The following CAMTA1 variants were observed in gnomAD, a reference collection of about 807,000 sequenced individuals.
CAMTA1 encodes the protein calmodulin-binding transcription activator 1.
CAMTA1 carries 27 observed loss-of-function variants against 170.9 expected under a neutral mutation model. The ratio of observed to expected loss-of-function variants is 0.16; its 90% CI spans 0.12 to 0.22. The LOEUF is 0.22. CAMTA1 is among the 10% of genes least tolerant of loss of function. CAMTA1 has a pLI of 1.00. For missense variants in CAMTA1, 1,619 were observed against 2,217.2 expected, an observed-to-expected ratio of 0.73 and a Z score of 5.42; for synonymous variants, 833 against 891.5, an observed-to-expected ratio of 0.93 and a Z score of 1.17.
chr1:7,099,449 A>G (rs1342309904), intron 4 of CAMTA1, among the ~76,000 whole-genome samples: 1 of 152,216 alleles, frequency 6.6e-6, no homozygotes, highest in African/African-American at 2.4e-5. Flanking sequence ...CCTCTGCAGT[A>G]CAGCTCAATC....
chr1:6,863,288 C>G (rs189362239), intron 3 of CAMTA1, among the ~76,000 whole-genome samples: 2 of 152,264 alleles, frequency 1.3e-5, no homozygotes, highest in Admixed American at 1.3e-4. Context: ...CATCTTATAA[C>G]CAAAAGTTTA....
chr1:7,412,429 T>C (rs1480102753), intron 5 of CAMTA1, among the ~76,000 whole-genome samples: 3 of 151,992 alleles, frequency 2.0e-5, no homozygotes, highest in African/African-American at 7.2e-5. Flanking sequence ...TGTTGTTTCC[T>C]GACTTTTTAA....
At chr1:7,589,604 G>A (rs2095339999) in intron 6 of CAMTA1, among the ~76,000 whole-genome samples, 1 of 152,070 alleles carries the variant, frequency 6.6e-6, no homozygotes, top group Non-Finnish European at 1.5e-5. Flanking sequence ...TCCTTCCCTC[G>A]ACCTCTGTCG....
intron 4 of CAMTA1, among the ~76,000 whole-genome samples, chr1:7,168,686 G>A (rs1323908022): frequency 6.6e-6 from 1 of 152,212 alleles, no homozygotes; most frequent in Non-Finnish European, 1.5e-5. Flanking sequence ...TTACAGGCGT[G>A]AGCTACTGCA....
intron 6 of CAMTA1, among the ~76,000 whole-genome samples, chr1:7,500,636 C>T (rs1307447152): frequency 2.6e-5 from 4 of 152,156 alleles, no homozygotes; most frequent in East Asian, 1.9e-4. Flanking sequence ...TCTCAAGGGC[C>T]CTCTGTTGCT....
intron 3 of CAMTA1, among the ~76,000 whole-genome samples, chr1:7,042,073 G>C (rs187229306): frequency 1.3e-5 from 2 of 149,434 alleles, no homozygotes; most frequent in East Asian, 4.2e-4. Context: ...AGAGGTGCTT[G>C]CTTGTGCTAA....
At chr1:7,121,788 C>G (rs1449742972) in intron 4 of CAMTA1, among the ~76,000 whole-genome samples, 1 of 152,154 alleles carries the variant, frequency 6.6e-6, no homozygotes, top group Non-Finnish European at 1.5e-5. Context: ...TGAGGCCTGG[C>G]TGGGGACCCA....
chr1:7,495,851 C>G (rs1203849263), intron 6 of CAMTA1, among the ~76,000 whole-genome samples: 1 of 152,200 alleles, frequency 6.6e-6, no homozygotes, highest in Non-Finnish European at 1.5e-5. Flanking sequence ...TCTCAGGGCT[C>G]CTCCAGGCTA....
rs2083139875 is a variant in CAMTA1, at chr1:7,333,188, G to A, written c.438+83562G>A. ...GATTGATGGTAAACTTGATGATGTC[G>A]CCCTTCTCTGCAGTTTTTGGACAGG... On this transcript the variant is annotated intron_variant, in intron 5 of 22. Coordinates refer to ENST00000303635, the MANE Select transcript of CAMTA1 (RefSeq NM_015215.4). The surrounding 1 kb of genome is among the most constrained non-coding windows in gnomAD (Gnocchi z 4.4). Among the ~76,000 whole-genome samples the A allele has an allele frequency of 1.3e-5, 2 of 152,270 alleles. No homozygotes were observed. The highest frequency in any genetic ancestry group is 1.9e-4 in the East Asian group (1 of 5,188).
intron 5 of CAMTA1, among the ~76,000 whole-genome samples, chr1:7,425,005 G>A (rs184836694): frequency 5.3e-5 from 8 of 152,170 alleles, no homozygotes; most frequent in Admixed American, 2.6e-4. Flanking sequence ...AGGGGGGCTC[G>A]GGGAATCCAA....
chr1:7,047,429 G>A (rs189302133), intron 3 of CAMTA1, among the ~76,000 whole-genome samples: 100 of 152,278 alleles, frequency 6.6e-4, no homozygotes, highest in Non-Finnish European at 1.0e-3. Context: ...ACTGGCACAC[G>A]CAGGACCTGA....
chr1:7,361,630 A>T (rs1316801627), intron 5 of CAMTA1, among the ~76,000 whole-genome samples: 2 of 152,250 alleles, frequency 1.3e-5, no homozygotes, highest in South Asian at 2.1e-4. Flanking sequence ...AAAAGTCAAG[A>T]TGAATCTCAT....
intron 11 of CAMTA1, among the ~76,000 whole-genome samples, chr1:7,718,948 C>G (rs915295078): frequency 6.7e-6 from 1 of 148,650 alleles, no homozygotes; most frequent in African/African-American, 2.5e-5. Context: ...TTTAGAATGT[C>G]TCAATTCTTG....
Position 6,917,851 on chromosome 1 carries a change from CG to C in CAMTA1, c.234+92649del, listed in dbSNP as rs749028480. Among the ~76,000 whole-genome samples the C allele has an allele frequency of 4.7e-4, 14 of 29,668 alleles. 1 individual carries two copies. The highest frequency in any genetic ancestry group is 1.2e-3 in the Admixed American group (2 of 1,624). 19.5% of individuals were successfully genotyped at this position (29,668 alleles called of 152,430 possible). A position where few individuals can be genotyped will look rare whatever the true frequency, so the allele number is the denominator to read the frequency against. ...GGGCAGAAGCAAAACCCATCGGGGG[CG>C]GGGGGGGACATCTACATGCCATCTT... On this transcript the variant is annotated intron_variant, in intron 3 of 22. Coordinates refer to ENST00000303635, the MANE Select transcript of CAMTA1 (RefSeq NM_015215.4).
intron 6 of CAMTA1, among the ~76,000 whole-genome samples, chr1:7,483,564 G>A (rs1396287783): frequency 6.6e-6 from 1 of 152,212 alleles, no homozygotes; most frequent in Non-Finnish European, 1.5e-5. Flanking sequence ...TCTGGGCAGG[G>A]AGATCAGCCA....
intron 3 of CAMTA1, among the ~76,000 whole-genome samples, chr1:6,985,418 A>G (rs1695193505): frequency 6.6e-6 from 1 of 152,262 alleles, no homozygotes; most frequent in South Asian, 2.1e-4. Context: ...CCACGAAAAG[A>G]AGAAACCCCT....
At chr1:7,079,669 C>T (rs976195077) in intron 3 of CAMTA1, among the ~76,000 whole-genome samples, 1 of 151,578 alleles carries the variant, frequency 6.6e-6, no homozygotes, top group East Asian at 1.9e-4. Flanking sequence ...AAATGGGTTT[C>T]ACCATGTTGG....
intron 3 of CAMTA1, among the ~76,000 whole-genome samples, chr1:7,009,305 T>C (rs1369043612): frequency 1.3e-5 from 2 of 151,886 alleles, no homozygotes; most frequent in African/African-American, 4.8e-5. Flanking sequence ...GACTTGAGGG[T>C]GGAGGCAGGG....
chr1:6,880,956 A>G (rs919186821), intron 3 of CAMTA1, among the ~76,000 whole-genome samples: 11 of 152,176 alleles, frequency 7.2e-5, no homozygotes, highest in African/African-American at 2.4e-4. Context: ...AAAAATAAAT[A>G]ACAGTAATTG....
Sources: gnomAD v4.1 joint callset for allele counts (sites outside exome capture counted in the v4.1 genomes callset) on GRCh38, gnomAD v4.1.1 for gene constraint, Gnocchi (gnomAD v3.1) non-coding constraint, MANE v1.5 for transcripts, NCBI Gene and HGNC (gene_info 2026-07-23, HGNC 2026-07-21) for gene names.